SNTG2: variants seen among roughly 807,000 people sequenced by gnomAD.
SNTG2 encodes the protein syntrophin gamma 2.
Under a neutral mutation model 70.9 loss-of-function variants are expected in SNTG2, and 74 were observed. The observed-to-expected ratio is 1.04, with a 90% confidence interval of 0.86 to 1.27. SNTG2 has a LOEUF of 1.27. Among genes scored for constraint, SNTG2 ranks in the 50% most tolerant of loss-of-function variants. The pLI, the probability that SNTG2 is intolerant of heterozygous loss-of-function variation, is 0.00. For synonymous variants in SNTG2, 278 were observed against 273.8 expected, an observed-to-expected ratio of 1.02 and a Z score of -0.15; for missense variants, 717 against 690.7, an observed-to-expected ratio of 1.04 and a Z score of -0.43.
intron 4 of SNTG2, among the ~76,000 whole-genome samples, chr2:1,130,263 A>G (rs1287284254): frequency 6.6e-6 from 1 of 152,238 alleles, no homozygotes; most frequent in East Asian, 1.9e-4. Flanking sequence ...TGAAGTGACA[A>G]CATAATTTTT....
intron 11 of SNTG2, 52 bp from the exon 12 acceptor site, chr2:1,247,275 G>T (rs1021954397): frequency 8.9e-7 from 1 of 1,127,096 alleles, no homozygotes. Context: ...CTCTGCTGCT[G>T]TGACAGTATG....
intron 1 of SNTG2, among the ~76,000 whole-genome samples, chr2:1,017,924 T>G (rs952710089): frequency 5.3e-5 from 8 of 152,160 alleles, no homozygotes; most frequent in African/African-American, 1.9e-4. Flanking sequence ...GCTCATAACT[T>G]CCATATTTTT....
At chr2:1,226,679 T>A (rs1392664622) in intron 9 of SNTG2, among the ~76,000 whole-genome samples, 2 of 152,206 alleles carry the variant, frequency 1.3e-5, no homozygotes, top group African/African-American at 4.8e-5. Context: ...CTTCTTATCT[T>A]AATTTTCTTC....
intron 4 of SNTG2, among the ~76,000 whole-genome samples, chr2:1,127,033 C>T (rs1422566563): frequency 6.6e-6 from 1 of 151,468 alleles, no homozygotes; most frequent in Non-Finnish European, 1.5e-5. Flanking sequence ...AATTTTTTCT[C>T]AGACCAGTGT....
intron 14 of SNTG2, among the ~76,000 whole-genome samples, chr2:1,277,209 C>T (rs987827922): frequency 1.3e-5 from 2 of 152,116 alleles, no homozygotes; most frequent in African/African-American, 4.8e-5. Context: ...GAAGTTCTAC[C>T]ATGGATAAAA....
rs10184150 is a variant in SNTG2, at chr2:1,351,477, G to C, written c.1489-15866G>C. On this transcript the variant is annotated intron_variant, in intron 16 of 16. Transcript: ENST00000308624. ...CAGGAGGTAAATCACGGAGTAACCT[G>C]TTCACGATTACAGAGAACACTGCCA... Among the ~76,000 whole-genome samples the C allele has an allele frequency of 8.6e-3, 1,308 of 152,232 alleles. 19 individuals carry two copies. Among genetic ancestry groups the C allele is most frequent in the African/African-American group, 0.029 (1,204 of 41,548 alleles).
At chr2:1,235,995 T>C (rs28440836) in intron 9 of SNTG2, among the ~76,000 whole-genome samples, 33,440 of 152,024 alleles carry the variant, frequency 0.22, 5,839 homozygotes, top group African/African-American at 0.48. Flanking sequence ...CTAAAAATAA[T>C]AGTCTCTGAC....
chr2:1,342,327 G>C (rs1660154574), intron 16 of SNTG2, among the ~76,000 whole-genome samples: 1 of 113,416 alleles, frequency 8.8e-6, no homozygotes, highest in Non-Finnish European at 1.8e-5. Flanking sequence ...AATTTGGGAA[G>C]CAGGACATGC....
At chr2:1,239,311 C>T (rs913433500) in intron 10 of SNTG2, among the ~76,000 whole-genome samples, 7 of 152,096 alleles carry the variant, frequency 4.6e-5, no homozygotes, top group Admixed American at 1.3e-4. Flanking sequence ...TCCACTTCCT[C>T]GGTGAAATTT....
intron 16 of SNTG2, among the ~76,000 whole-genome samples, chr2:1,339,491 C>T (rs1659978299): frequency 1.3e-5 from 2 of 152,162 alleles, no homozygotes; most frequent in Admixed American, 1.3e-4. Context: ...GCTGGAGCCA[C>T]CTTGAATTCT....
At chr2:1,211,653 C>T (rs1674052181) in intron 9 of SNTG2, among the ~76,000 whole-genome samples, 1 of 152,094 alleles carries the variant, frequency 6.6e-6, no homozygotes, top group Non-Finnish European at 1.5e-5. Flanking sequence ...AGCATGTGTG[C>T]AGGGAAACTG....
chr2:1,152,250 A>C (rs1056643299), intron 6 of SNTG2, among the ~76,000 whole-genome samples: 2 of 151,930 alleles, frequency 1.3e-5, no homozygotes, highest in Admixed American at 1.3e-4. Flanking sequence ...ACAATCTACC[A>C]CTCTTATTTC....
intron 1 of SNTG2, among the ~76,000 whole-genome samples, chr2:1,029,167 A>C (rs1660674547): frequency 6.6e-6 from 1 of 152,210 alleles, no homozygotes; most frequent in South Asian, 2.1e-4. Flanking sequence ...TAAATAATTC[A>C]TATTTACTTT....
intron 16 of SNTG2, among the ~76,000 whole-genome samples, chr2:1,364,409 A>G (rs533255117): frequency 7.9e-5 from 12 of 152,240 alleles, no homozygotes; most frequent in Admixed American, 6.5e-5. Context: ...GCATTGTGCT[A>G]TTATTGGATA....
At chr2:1,121,250 G>A (rs1572493555) in intron 4 of SNTG2, among the ~76,000 whole-genome samples, 1 of 151,874 alleles carries the variant, frequency 6.6e-6, no homozygotes, top group Admixed American at 6.6e-5. Context: ...CTGGGATGCC[G>A]CAAAAACAGT....
At chr2:1,257,858 A>G (rs1678210833) in intron 12 of SNTG2, among the ~76,000 whole-genome samples, 1 of 152,248 alleles carries the variant, frequency 6.6e-6, no homozygotes, top group Non-Finnish European at 1.5e-5. Context: ...ATTACTAACT[A>G]TATTTTGAAA....
chr2:1,318,082 T>C lies in SNTG2; in HGVS notation c.1488+1707T>C, dbSNP rs151300652. ...TGTTAATTAAAGACCTTAGACCTTT[T>C]AAATTCATTGCCTGGAGGTGACATT... On this transcript the variant is annotated intron_variant, in intron 16 of 16. Transcript: ENST00000308624. 6.2e-3 allele frequency among the ~76,000 whole-genome samples: 948 copies of C among 152,334 alleles called. 9 individuals are homozygous for C. The highest frequency in any genetic ancestry group is 0.022 in the African/African-American group (905 of 41,576).
chr2:1,282,739 C>T (rs1210383681), intron 14 of SNTG2, among the ~76,000 whole-genome samples: 1 of 146,414 alleles, frequency 6.8e-6, no homozygotes. Flanking sequence ...GGATCACCCC[C>T]GCCCACCCCC....
intron 15 of SNTG2, among the ~76,000 whole-genome samples, chr2:1,308,984 C>T (rs1056840913): frequency 6.6e-6 from 1 of 152,194 alleles, no homozygotes; most frequent in African/African-American, 2.4e-5. Flanking sequence ...CAGGAATGTA[C>T]AGCTGCCATT....
Sources: gnomAD v4.1 joint callset for allele counts (sites outside exome capture counted in the v4.1 genomes callset) on GRCh38, gnomAD v4.1.1 for gene constraint, MANE v1.5 for transcripts, NCBI Gene and HGNC (gene_info 2026-07-23, HGNC 2026-07-21) for gene names.